NELL2: variants seen among roughly 807,000 people sequenced by gnomAD.
The protein encoded by NELL2 is neural EGFL like 2, also known as protein kinase C-binding protein NELL2.
In NELL2, 41 loss-of-function variants were observed where a neutral mutation model predicts 109.6. The ratio of observed to expected loss-of-function variants is 0.37; its 90% CI spans 0.29 to 0.49. The LOEUF (loss-of-function observed/expected upper bound fraction) is 0.49. NELL2 is among the 20% of genes least tolerant of loss of function. The pLI is 0.98. For synonymous variants in NELL2, 355 were observed against 344.7 expected (o/e 1.03, Z -0.33); for missense variants, 900 against 1,008.3 (o/e 0.89, Z 1.45).
chr12:44,518,394 A>G (rs1364236328), intron 19 of NELL2, among the ~76,000 whole-genome samples: 1 of 151,950 alleles, frequency 6.6e-6, no homozygotes, highest in African/African-American at 2.4e-5. Context: ...ACAGGCACCC[A>G]CCACCATGCC....
At chr12:44,904,823 G>T (rs1054321114) in intron 1 of NELL2, among the ~76,000 whole-genome samples, 1 of 151,932 alleles carries the variant, frequency 6.6e-6, no homozygotes, top group Non-Finnish European at 1.5e-5. Context: ...ATACTAAAAA[G>T]TACAGTTGAA....
At position 44,857,574 on chromosome 12, in the gene NELL2, A is replaced by G. The variant is rs116238572; in HGVS notation, c.184+17651T>C. Among the ~76,000 whole-genome samples the G allele has an allele frequency of 2.9e-3, 444 of 152,320 alleles. 1 individual carries two copies. Among genetic ancestry groups the G allele is most frequent in the African/African-American group, 9.8e-3 (408 of 41,578 alleles). ...ATCAATACCAAGGAACGCCAAGGTTATCCAGACAGAGCCAGGTAAAACAAT... is the reference window on the plus strand; with the variant it reads ...ATCAATACCAAGGAACGCCAAGGTTGTCCAGACAGAGCCAGGTAAAACAAT... On this transcript the variant is annotated intron_variant, in intron 2 of 19. Coordinates refer to ENST00000429094, the MANE Select transcript of NELL2 (RefSeq NM_001145108.2).
chr12:44,834,266 C>T (rs780357466), intron 2 of NELL2, among the ~76,000 whole-genome samples: 11 of 152,082 alleles, frequency 7.2e-5, no homozygotes, highest in Non-Finnish European at 1.5e-4. Flanking sequence ...TCACTAAACA[C>T]ATACTCTAAT....
At chr12:44,743,532 A>C (rs1297923706) in intron 9 of NELL2, among the ~76,000 whole-genome samples, 1 of 152,178 alleles carries the variant, frequency 6.6e-6, no homozygotes, top group African/African-American at 2.4e-5. Context: ...AAGACCCATC[A>C]GTGTGCTGTA....
chr12:44,776,162 A>T lies in NELL2; in HGVS notation c.763-12T>A. The T allele has an allele frequency of 6.2e-7, 1 of 1,612,978 alleles. No homozygotes were observed. The highest frequency in any genetic ancestry group is 8.5e-7 in the Non-Finnish European group (1 of 1,179,540). On this transcript the variant is annotated splice_polypyrimidine_tract_variant and intron_variant, in intron 7 of 19. Transcript: ENST00000429094. The stretch of plus-strand genomic sequence containing the variant: ...TCAGCTCGAGACAGCTGTGGCACAA[A>T]AGAACGGGTTTTACATTGTTCATCC...
intron 9 of NELL2, among the ~76,000 whole-genome samples, chr12:44,765,819 T>C (rs1214348907): frequency 1.3e-5 from 2 of 152,156 alleles, no homozygotes; most frequent in Non-Finnish European, 2.9e-5. Context: ...CTCAACCATC[T>C]TTAAACTGAA....
rs370137844 is a variant in NELL2, at chr12:44,586,291, T to C, written c.1663+20878A>G. Among the ~76,000 whole-genome samples the C allele has an allele frequency of 5.6e-4, 83 of 149,548 alleles. 2 individuals carry two copies. The South Asian group carries it at 7.9e-3, about 14-fold the overall frequency. On this transcript the variant is annotated intron_variant, in intron 15 of 19. Transcript: ENST00000429094. ...ATGAACTTTGCAGTGTGATTATATA[T>C]ATATAGATATATACACACACACATA...
chr12:44,739,095 G>A (rs560189888), intron 9 of NELL2, among the ~76,000 whole-genome samples: 1 of 152,164 alleles, frequency 6.6e-6, no homozygotes, highest in East Asian at 1.9e-4. Flanking sequence ...GATCTTAAAT[G>A]TTACTTTTTT....
At chr12:44,633,894 T>C (rs1004230786) in intron 13 of NELL2, among the ~76,000 whole-genome samples, 2 of 152,140 alleles carry the variant, frequency 1.3e-5, no homozygotes, top group African/African-American at 4.8e-5. Context: ...CTTCTCTTCC[T>C]ACACTCATAA....
chr12:44,829,683 T>C (rs1943826072), intron 2 of NELL2, among the ~76,000 whole-genome samples: 1 of 152,072 alleles, frequency 6.6e-6, no homozygotes, highest in Non-Finnish European at 1.5e-5. Flanking sequence ...GTCATTACTG[T>C]ATGAAGTAGT....
At chr12:44,877,480 T>C (rs1488283914), upstream of NELL2, among the ~76,000 whole-genome samples, 1 of 152,224 alleles carries the variant, frequency 6.6e-6, no homozygotes, top group Non-Finnish European at 1.5e-5. Flanking sequence ...CAAAGATCAA[T>C]TGGGTTTCTT....
intron 13 of NELL2, among the ~76,000 whole-genome samples, chr12:44,615,752 T>G (rs557404111): frequency 6.6e-6 from 1 of 151,556 alleles, no homozygotes; most frequent in Non-Finnish European, 1.5e-5. Context: ...TTTACTGTAT[T>G]TTATACCTCT....
intron 9 of NELL2, among the ~76,000 whole-genome samples, chr12:44,728,814 G>T (rs1273057190): frequency 3.3e-5 from 5 of 152,128 alleles, no homozygotes; most frequent in African/African-American, 1.2e-4. Context: ...AGGCAGAATA[G>T]AGTACAATGA....
chr12:44,556,944 G>C (rs1943281367), intron 15 of NELL2, among the ~76,000 whole-genome samples: 1 of 152,122 alleles, frequency 6.6e-6, no homozygotes, highest in African/African-American at 2.4e-5. Context: ...TATAGGTTGG[G>C]GCCAGATGGT....
intron 13 of NELL2, among the ~76,000 whole-genome samples, chr12:44,614,834 AAATAGATGTAC>A (rs1376150464): frequency 6.6e-6 from 1 of 152,076 alleles, no homozygotes; most frequent in Non-Finnish European, 1.5e-5. Context: ...TGTGATTTCA[AAATAGATGTAC>A]AATAGAACAT....
At chr12:44,828,047 A>G (rs1943771718) in intron 2 of NELL2, among the ~76,000 whole-genome samples, 2 of 152,146 alleles carry the variant, frequency 1.3e-5, no homozygotes, top group Admixed American at 1.3e-4. Flanking sequence ...TTTGATTTGC[A>G]GTTCTCTGAT....
rs1314324874 is a variant in NELL2, at chr12:44,665,510, A to T, written c.1418T>A (p.Ile473Asn). Residue 473 changes from isoleucine to asparagine, a missense_variant, in exon 13 of 20, where the codon ATC (isoleucine) becomes AAC (asparagine). Around this residue, in one of 4 missense-constraint regions of NELL2, gnomAD observed 292 missense variants for 265.3 expected, o/e 1.10. Coordinates refer to ENST00000429094, the MANE Select transcript of NELL2 (RefSeq NM_001145108.2). ...SFMCICKTGY[I>N]RIDDYSCTEH... Reference sequence around the variant, plus strand: ...TGTACATGAATAATCATCAATTCTGATGTATCCAGTTTTGCAGATGCACAT... The same window carrying T: ...TGTACATGAATAATCATCAATTCTGTTGTATCCAGTTTTGCAGATGCACAT... 2.5e-6 allele frequency: 4 copies of T among 1,613,376 alleles called. No homozygotes were observed. Among genetic ancestry groups the T allele is most frequent in the Non-Finnish European group, 3.4e-6 (4 of 1,179,362 alleles).
chr12:44,608,961 A>C (rs1945508568), intron 14 of NELL2, among the ~76,000 whole-genome samples: 1 of 151,048 alleles, frequency 6.6e-6, no homozygotes, highest in African/African-American at 2.4e-5. Flanking sequence ...ATAAAGTTTA[A>C]AGTATAAGTT....
At chr12:44,666,180 A>G (rs111633465) in intron 12 of NELL2, among the ~76,000 whole-genome samples, 4 of 152,370 alleles carry the variant, frequency 2.6e-5, no homozygotes, top group Admixed American at 6.5e-5. Context: ...ATGAGAAGTT[A>G]CAAAATAGTA....
Sources: allele counts gnomAD v4.1 joint callset (sites outside exome capture counted in the v4.1 genomes callset), GRCh38; gene constraint gnomAD v4.1.1; regional missense constraint gnomAD v4.1.1; transcripts MANE v1.5; gene names NCBI Gene and HGNC (gene_info 2026-07-23, HGNC 2026-07-21).